IRF8: variants seen among roughly 807,000 people sequenced by gnomAD.
IRF8 encodes the protein interferon consensus sequence binding protein 1.
IRF8 carries 14 observed loss-of-function variants against 48.7 expected under a neutral mutation model. That is an observed-to-expected ratio of 0.29 (90% CI 0.19 to 0.45). The LOEUF (loss-of-function observed/expected upper bound fraction) is 0.45, where lower values mean the gene tolerates loss of function less well. Among genes scored for constraint, IRF8 ranks in the 20% least tolerant of loss-of-function variants. IRF8 has a pLI of 1.00. For missense variants in IRF8, 493 were observed against 580.7 expected (o/e 0.85, Z 1.55); for synonymous variants, 278 against 227.3 (o/e 1.22, Z -2.01).
Position 85,903,099 on chromosome 16 carries a change from G to A in IRF8, c.84G>A (p.Trp28Ter). 1 of 1,614,158 alleles carries A rather than the reference G, an allele frequency of 6.2e-7. No individual in the cohort carries two copies. Among genetic ancestry groups the A allele is most frequent in the Non-Finnish European group, 8.5e-7 (1 of 1,180,008 alleles). The change falls in exon 2 of 9, where the codon TGG becomes TGA. Residue 28 changes from tryptophan to a stop codon, truncating the protein, a stop_gained. Transcript: ENST00000268638. LOFTEE classifies it high-confidence loss of function. ...IDSSMYPGLI[W>*]ENEEKSMFRI... ...GTAGCATGTATCCAGGACTGATTTG[G>A]GAGAATGAGGAGAAGAGCATGTTCC...
In IRF8 at chr16:85,914,462, T is replaced by C. The variant is rs763772434; in HGVS notation, c.554-11T>C. The C allele has an allele frequency of 9.3e-6, 15 of 1,614,144 alleles. No homozygotes were observed. In the South Asian group the frequency reaches 1.5e-4, roughly 17 times the overall value. ...GGTGGCTCTGAGCTTGCTTTTCTGT[T>C]TCTCCTGCAGGCGTGCCGCTGGTGA... On this transcript the variant is annotated splice_polypyrimidine_tract_variant and intron_variant, in intron 5 of 8. Coordinates refer to ENST00000268638, the MANE Select transcript of IRF8 (RefSeq NM_002163.4).
intron 1 of IRF8, among the ~76,000 whole-genome samples, chr16:85,899,748 A>G (rs564425610): frequency 6.6e-6 from 1 of 152,314 alleles, no homozygotes; most frequent in African/African-American, 2.4e-5. Flanking sequence ...TGCTTCCATC[A>G]CAGCCCAGTC....
At chr16:85,909,749 C>G (rs1476005612) in intron 3 of IRF8, 1 of 160,632 alleles carries the variant, frequency 6.2e-6, no homozygotes, top group Non-Finnish European at 1.4e-5. Context: ...ACATGCCGCA[C>G]CCTGGTCCTA....
rs368437615 is a variant in IRF8, at chr16:85,921,324, C to T, written c.*42C>T. The T allele has an allele frequency of 1.4e-5, 23 of 1,592,698 alleles. No individual in the cohort carries two copies. In the African/African-American group the frequency reaches 2.8e-4, roughly 19 times the overall value. ...CCCCACCCCGTCTGCGTCCTGCATCCATCTCCCTGTTACAGTGGCCCGCAT... is the reference window on the plus strand; with the variant it reads ...CCCCACCCCGTCTGCGTCCTGCATCTATCTCCCTGTTACAGTGGCCCGCAT... On this transcript the variant is annotated 3_prime_UTR_variant, in exon 9 of 9. Transcript: ENST00000268638.
At chr16:85,917,188 G>A (rs920120846) in intron 6 of IRF8, among the ~76,000 whole-genome samples, 2 of 152,190 alleles carry the variant, frequency 1.3e-5, no homozygotes, top group African/African-American at 4.8e-5. Flanking sequence ...AGGGGGCGCC[G>A]TGGAGTTAGG....
At chr16:85,908,078 G>A (rs1163600797) in intron 2 of IRF8, among the ~76,000 whole-genome samples, 1 of 152,236 alleles carries the variant, frequency 6.6e-6, no homozygotes, top group South Asian at 2.1e-4. Context: ...GTGACCTTGC[G>A]AAAGTTACTT....
At chr16:85,907,634 C>T (rs918964915) in intron 2 of IRF8, among the ~76,000 whole-genome samples, 20 of 152,052 alleles carry the variant, frequency 1.3e-4, no homozygotes, top group South Asian at 4.1e-4. Context: ...AGCCAGATTG[C>T]GCCACTGCAT....
intron 6 of IRF8, 33 bp downstream of exon 6, chr16:85,914,553 G>A: frequency 6.2e-7 from 1 of 1,613,126 alleles, no homozygotes; most frequent in Non-Finnish European, 8.5e-7. Context: ...AGGGGCGTGG[G>A]CACTGTTTGA....
chr16:85,908,408 C>T (rs577410325), intron 2 of IRF8, among the ~76,000 whole-genome samples: 30 of 152,210 alleles, frequency 2.0e-4, no homozygotes, highest in Admixed American at 4.6e-4. Context: ...AAAACACACA[C>T]ACATTAAAGG....
At chr16:85,901,725 C>A (rs1382177925) in intron 1 of IRF8, among the ~76,000 whole-genome samples, 1 of 152,128 alleles carries the variant, frequency 6.6e-6, no homozygotes, top group Non-Finnish European at 1.5e-5. Flanking sequence ...TGGGACCTGG[C>A]CCTGTTTCCC....
At chr16:85,906,513 C>G (rs1007474034) in intron 2 of IRF8, among the ~76,000 whole-genome samples, 3 of 152,186 alleles carry the variant, frequency 2.0e-5, no homozygotes, top group Non-Finnish European at 4.4e-5. Flanking sequence ...GCCAGGTACC[C>G]GATGGTGGCC....
rs572464895 is a variant in IRF8 at position 85,900,838 on chromosome 16, T to G, written c.-2+1615T>G. 3 of 152,374 alleles carry G rather than the reference T, an allele frequency of 2.0e-5. No homozygotes were observed. The South Asian group carries it at 6.2e-4, about 32-fold the overall frequency. 9.4% of individuals were successfully genotyped at this position (152,374 alleles called of 1,614,324 possible). A position where few individuals can be genotyped will look rare whatever the true frequency, so the allele number is the denominator to read the frequency against. On this transcript the variant is annotated intron_variant, in intron 1 of 8. Coordinates refer to ENST00000268638, the MANE Select transcript of IRF8 (RefSeq NM_002163.4). ...ATAGTTGTCCTGAACAGTTTAGATG[T>G]TATGAATCCATTAGGAATCCTGATA...
chr16:85,902,928 C>G, intron 1 of IRF8, 87 bp from the exon 2 acceptor site: 4 of 1,453,896 alleles, frequency 2.8e-6, no homozygotes, highest in Non-Finnish European at 2.9e-6. Context: ...CTGCAAACCT[C>G]TGAGTTTCCT....
At chr16:85,915,597 C>T (rs777373804) in intron 6 of IRF8, among the ~76,000 whole-genome samples, 7 of 152,232 alleles carry the variant, frequency 4.6e-5, no homozygotes, top group Admixed American at 3.9e-4. Flanking sequence ...TCATCCAGGT[C>T]GCGCAGGCCT....
chr16:85,905,894 G>C (rs532115074), intron 2 of IRF8, among the ~76,000 whole-genome samples: 21 of 152,330 alleles, frequency 1.4e-4, no homozygotes, highest in African/African-American at 4.6e-4. Context: ...ATCCCTCATT[G>C]TCTGCAGGCA....
rs1330683608 is a variant in IRF8, at chr16:85,921,850, A to C, written c.*568A>C. 6.2e-6 allele frequency: 1 copy of C among 160,088 alleles called. No individual in the cohort carries two copies. Among genetic ancestry groups the C allele is most frequent in the Non-Finnish European group, 1.4e-5 (1 of 72,834 alleles). 9.9% of individuals were successfully genotyped at this position (160,088 alleles called of 1,614,324 possible). A position where few individuals can be genotyped will look rare whatever the true frequency, so the allele number is the denominator to read the frequency against. The stretch of plus-strand genomic sequence containing the variant: ...AACTCTTGGCTTGTTAGAAGAAAGT[A>C]TATTCTTTCTAGAATTTGGTGCAGG... On this transcript the variant is annotated 3_prime_UTR_variant, in exon 9 of 9. Transcript: ENST00000268638.
intron 1 of IRF8, among the ~76,000 whole-genome samples, chr16:85,899,556 A>G (rs1904757949): frequency 1.3e-5 from 2 of 152,232 alleles, no homozygotes; most frequent in East Asian, 1.9e-4. Flanking sequence ...CTATCTTGAA[A>G]CGCGCTCTAT....
rs1487726143 is a variant in IRF8 at position 85,921,227 on chromosome 16, T to C, written c.1226T>C (p.Ile409Thr). 1.9e-6 allele frequency: 3 copies of C among 1,614,088 alleles called. No homozygotes were observed. The highest frequency in any genetic ancestry group is 2.2e-5 in the East Asian group (1 of 44,904). The change falls in exon 9 of 9, where the codon ATT (isoleucine) becomes ACT (threonine). Residue 409 changes from isoleucine to threonine, a missense_variant. Ile to Thr is a moderately conservative substitution (Grantham distance 89). Coordinates refer to ENST00000268638, the MANE Select transcript of IRF8 (RefSeq NM_002163.4). ...CAGGTCTTCCGGATGTTTCCAGATATTTGTGCCTCACACCAGAGATCATTT... is the reference window on the plus strand; with the variant it reads ...CAGGTCTTCCGGATGTTTCCAGATACTTGTGCCTCACACCAGAGATCATTT... Reference protein sequence around the residue: ...PDQVFRMFPDICASHQRSFFR... With the variant: ...PDQVFRMFPDTCASHQRSFFR...
At chr16:85,903,494 C>G (rs1454735334) in intron 2 of IRF8, 7 of 396,406 alleles carry the variant, frequency 1.8e-5, no homozygotes, top group Non-Finnish European at 3.3e-5. Flanking sequence ...TACTTCGAGA[C>G]CTTCACGCTA....
Sources: gnomAD v4.1 joint callset for allele counts (sites outside exome capture counted in the v4.1 genomes callset) on GRCh38, gnomAD v4.1.1 for gene constraint, MANE v1.5 for transcripts, NCBI Gene and HGNC (gene_info 2026-07-23, HGNC 2026-07-21) for gene names.